ALDH1A2: variants seen among roughly 807,000 people sequenced by gnomAD.
ALDH1A2 encodes the protein retinal dehydrogenase 2.
ALDH1A2 carries 27 observed loss-of-function variants against 60.3 expected under a neutral mutation model. The observed-to-expected ratio is 0.45, with a 90% CI of 0.33 to 0.62. The LOEUF is 0.62. Ranked by LOEUF, ALDH1A2 falls within the 20% of genes least tolerant of loss-of-function variation. The pLI, the probability that ALDH1A2 is intolerant of heterozygous loss-of-function variation, is 0.02. For missense variants in ALDH1A2, 581 were observed against 643.8 expected (o/e 0.90, Z 1.06); for synonymous variants, 289 against 232.4 (o/e 1.24, Z -2.21).
Position 58,013,870 on chromosome 15 carries a change from C to T in ALDH1A2, c.351G>A (p.Arg117=), listed in dbSNP as rs369825779. Residue 117 remains arginine (R), a synonymous_variant, in exon 3 of 13, where the codon AGG becomes AGA. Transcript: ENST00000249750. ...DKLADLVERD[R]AVLATMESLN... is the part of the protein sequence containing the mutation. ...TTAGGTTACTTACTGCAAGAACTGC[C>T]CTGTCCCGTTCCACCAAGTCTGCAA... 6.2e-7 allele frequency: 1 copy of T among 1,614,000 alleles called. No individual in the cohort carries two copies. The highest frequency in any genetic ancestry group is 1.3e-5 in the African/African-American group (1 of 74,906).
chr15:57,958,811 T>TA (rs1407488859), intron 12 of ALDH1A2, among the ~76,000 whole-genome samples: 8 of 152,094 alleles, frequency 5.3e-5, no homozygotes, highest in African/African-American at 1.9e-4. Flanking sequence ...GTTTTGGGGG[T>TA]AAGTAGAGAC....
chr15:58,029,354 A>G (rs1896167820), intron 1 of ALDH1A2, among the ~76,000 whole-genome samples: 1 of 152,228 alleles, frequency 6.6e-6, no homozygotes, highest in African/African-American at 2.4e-5. Context: ...AATGAGAACA[A>G]AGACACAACG....
intron 7 of ALDH1A2, among the ~76,000 whole-genome samples, chr15:57,976,601 T>C (rs1374934363): frequency 6.6e-6 from 1 of 152,190 alleles, no homozygotes; most frequent in African/African-American, 2.4e-5. Flanking sequence ...AACTCATCCT[T>C]TTTTATGGCT....
At chr15:58,044,964 A>G (rs1019884060) in intron 1 of ALDH1A2, among the ~76,000 whole-genome samples, 1 of 151,914 alleles carries the variant, frequency 6.6e-6, no homozygotes, top group African/African-American at 2.4e-5. Context: ...AAAGAAAAGC[A>G]TATCAAATGC....
intron 4 of ALDH1A2, among the ~76,000 whole-genome samples, chr15:58,005,744 C>T (rs1895428352): frequency 6.6e-6 from 1 of 151,728 alleles, no homozygotes; most frequent in Non-Finnish European, 1.5e-5. Context: ...TATGGGTGAC[C>T]AAACAGAACT....
At chr15:58,062,204 A>G (rs1897056936) in intron 1 of ALDH1A2, among the ~76,000 whole-genome samples, 1 of 152,062 alleles carries the variant, frequency 6.6e-6, no homozygotes, top group Admixed American at 6.5e-5. Flanking sequence ...CCCATATAAT[A>G]TCAGATGCAG....
At chr15:58,018,686 T>C (rs756393039) in intron 1 of ALDH1A2, among the ~76,000 whole-genome samples, 10 of 152,172 alleles carry the variant, frequency 6.6e-5, no homozygotes, top group Non-Finnish European at 1.3e-4. Context: ...CATGTGCAGC[T>C]GATATGATAT....
chr15:57,963,672 T>C (rs535489377), intron 9 of ALDH1A2, among the ~76,000 whole-genome samples: 10 of 152,244 alleles, frequency 6.6e-5, no homozygotes, highest in Admixed American at 4.6e-4. Context: ...GGTAATCCCA[T>C]AGTTTTTCAG....
At chr15:58,040,503 G>A (rs1172516016) in intron 1 of ALDH1A2, among the ~76,000 whole-genome samples, 1 of 151,836 alleles carries the variant, frequency 6.6e-6, no homozygotes, top group African/African-American at 2.4e-5. Context: ...ATTTCATCTA[G>A]ATAACAAATC....
At chr15:58,061,725 T>C (rs1157252027) in intron 1 of ALDH1A2, among the ~76,000 whole-genome samples, 4 of 151,942 alleles carry the variant, frequency 2.6e-5, no homozygotes, top group African/African-American at 9.7e-5. Flanking sequence ...CCAATGTCTT[T>C]CTTATGAATT....
At chr15:57,987,705 C>T (rs746487386) in intron 7 of ALDH1A2, among the ~76,000 whole-genome samples, 7 of 151,832 alleles carry the variant, frequency 4.6e-5, no homozygotes, top group East Asian at 3.9e-4. Context: ...ATGGTGGAAC[C>T]CCGTCTCTGC....
intron 1 of ALDH1A2, among the ~76,000 whole-genome samples, chr15:58,015,453 T>G (rs1895764521): frequency 6.6e-6 from 1 of 152,234 alleles, no homozygotes; most frequent in Admixed American, 6.5e-5. Flanking sequence ...TACCTTAAAT[T>G]TGTAGAGCAC....
At position 58,058,171 on chromosome 15, in the gene ALDH1A2, T is replaced by C. The variant is rs1270292236; in HGVS notation, c.117+7363A>G. On this transcript the variant is annotated intron_variant, in intron 1 of 12. Coordinates refer to ENST00000249750, the MANE Select transcript of ALDH1A2 (RefSeq NM_003888.4). ...CATACAGGCATTTCATAATTTCACC[T>C]TCCCAGGCAAAGCCTTCCCCTCCTC... is the stretch of plus-strand genomic sequence containing the variant. 3.5e-6 allele frequency: 4 copies of C among 1,147,644 alleles called. No individual in the cohort carries two copies. The African/African-American group carries it at 6.1e-5, about 18-fold the overall frequency. The allele number at this position is 1,147,644 out of a possible 1,614,324, so 71.1% of individuals were successfully genotyped here. A position where few individuals can be genotyped will look rare whatever the true frequency, so the allele number is the denominator to read the frequency against.
At chr15:58,030,540 G>A (rs1896208342) in intron 1 of ALDH1A2, among the ~76,000 whole-genome samples, 1 of 152,084 alleles carries the variant, frequency 6.6e-6, no homozygotes, top group Middle Eastern at 3.2e-3. Flanking sequence ...TTCTGGTCAG[G>A]GCAATCAGAG....
intron 5 of ALDH1A2, 146 bp from the exon 6 acceptor site, chr15:57,993,219 CT>C (rs1324513602): frequency 9.9e-7 from 1 of 1,014,762 alleles, no homozygotes; most frequent in Non-Finnish European, 1.5e-6. Context: ...TTTTCAATTA[CT>C]TCATTAAGAA....
chr15:57,987,832 C>A (rs1461798103), intron 7 of ALDH1A2, among the ~76,000 whole-genome samples: 1 of 149,990 alleles, frequency 6.7e-6, no homozygotes, highest in Non-Finnish European at 1.5e-5. Context: ...TTGCAGTGAG[C>A]CTGAGCAACT....
intron 1 of ALDH1A2, among the ~76,000 whole-genome samples, chr15:58,060,551 C>A (rs1310550655): frequency 7.3e-6 from 1 of 137,688 alleles, no homozygotes; most frequent in Non-Finnish European, 1.5e-5. Flanking sequence ...ATGTAACTGT[C>A]CATGTAGCTG....
At chr15:58,015,396 T>A (rs935177797) in intron 1 of ALDH1A2, among the ~76,000 whole-genome samples, 9 of 152,194 alleles carry the variant, frequency 5.9e-5, no homozygotes, top group South Asian at 2.1e-4. Flanking sequence ...AGGCACTGAT[T>A]AAACTATAAC....
At chr15:57,978,642 T>TG (rs1300850431) in intron 7 of ALDH1A2, among the ~76,000 whole-genome samples, 2 of 151,886 alleles carry the variant, frequency 1.3e-5, no homozygotes, top group Admixed American at 6.6e-5. Flanking sequence ...GGCCCCTGGG[T>TG]GGGGGGTCCC....
Sources: gnomAD v4.1 joint callset for allele counts (sites outside exome capture counted in the v4.1 genomes callset) on GRCh38, gnomAD v4.1.1 for gene constraint, MANE v1.5 for transcripts, NCBI Gene and HGNC (gene_info 2026-07-23, HGNC 2026-07-21) for gene names.